Variants in ADAMTS3 observed in about 807,000 individuals in gnomAD.
ADAMTS3 encodes the protein A disintegrin and metalloproteinase with thrombospondin motifs 3.
In ADAMTS3, 73 loss-of-function variants were observed where a neutral mutation model predicts 129.0. The ratio of observed to expected loss-of-function variants is 0.57; its 90% CI spans 0.47 to 0.69. The LOEUF is 0.69. ADAMTS3 is among the 30% of genes least tolerant of loss of function. The pLI, the probability that ADAMTS3 is intolerant of heterozygous loss-of-function variation, is 0.00. For missense variants in ADAMTS3, 1,457 were observed against 1,514.5 expected (o/e 0.96, Z 0.63); for synonymous variants, 477 against 510.8 (o/e 0.93, Z 0.89).
chr4:72,546,036 A>T (rs1179723428), intron 3 of ADAMTS3, among the ~76,000 whole-genome samples: 1 of 152,194 alleles, frequency 6.6e-6, no homozygotes, highest in Middle Eastern at 3.2e-3. Context: ...TAAAATAGGC[A>T]TGGCAAGAAT....
intron 3 of ADAMTS3, among the ~76,000 whole-genome samples, chr4:72,516,715 A>T (rs1720493635): frequency 6.6e-6 from 1 of 152,114 alleles, no homozygotes; most frequent in Admixed American, 6.5e-5. Context: ...GAAGTTGCTT[A>T]TCAGCTTAAG....
chr4:72,417,392 C>A (rs1290138238), intron 3 of ADAMTS3, among the ~76,000 whole-genome samples: 3 of 152,172 alleles, frequency 2.0e-5, no homozygotes, highest in Admixed American at 6.5e-5. Flanking sequence ...CTTCTCCATA[C>A]CTGCTATGGC....
intron 4 of ADAMTS3, among the ~76,000 whole-genome samples, chr4:72,353,603 C>G (rs1465623440): frequency 6.6e-6 from 1 of 151,914 alleles, no homozygotes; most frequent in East Asian, 1.9e-4. Context: ...ATAGCAGCTA[C>G]CAGGGTGGGC....
intron 2 of ADAMTS3, among the ~76,000 whole-genome samples, chr4:72,556,970 T>C (rs1442738340): frequency 6.6e-6 from 1 of 151,600 alleles, no homozygotes; most frequent in African/African-American, 2.4e-5. Flanking sequence ...AAATTCCACA[T>C]CAACAGAGGG....
At chr4:72,310,234 T>A (rs554488111) in intron 14 of ADAMTS3, among the ~76,000 whole-genome samples, 48 of 152,212 alleles carry the variant, frequency 3.2e-4, no homozygotes, top group Non-Finnish European at 4.7e-4. Flanking sequence ...AACCAAGGCA[T>A]GTTCTTAATG....
intron 5 of ADAMTS3, among the ~76,000 whole-genome samples, chr4:72,336,468 G>A (rs375019156): frequency 2.0e-5 from 3 of 152,092 alleles, no homozygotes; most frequent in African/African-American, 7.2e-5. Flanking sequence ...TTACAGTATC[G>A]TTGGTTTCTC....
At chr4:72,331,271 A>C (rs75445850) in intron 5 of ADAMTS3, among the ~76,000 whole-genome samples, 5,629 of 152,146 alleles carry the variant, frequency 0.037, 346 homozygotes, top group African/African-American at 0.13. Context: ...CTTGTGCTTG[A>C]TGCAATCTGT....
At chr4:72,346,036 T>A (rs1720272890) in intron 4 of ADAMTS3, among the ~76,000 whole-genome samples, 1 of 152,120 alleles carries the variant, frequency 6.6e-6, no homozygotes, top group South Asian at 2.1e-4. Flanking sequence ...CATCAAGGAT[T>A]CAGTTCTTTT....
intron 4 of ADAMTS3, among the ~76,000 whole-genome samples, chr4:72,399,749 G>A (rs1393957017): frequency 4.2e-5 from 6 of 143,842 alleles, no homozygotes; most frequent in South Asian, 2.2e-4. Context: ...CGGTGTGTAC[G>A]CATATGTGTG....
intron 4 of ADAMTS3, among the ~76,000 whole-genome samples, chr4:72,365,447 T>C (rs1407389420): frequency 6.6e-6 from 1 of 152,064 alleles, no homozygotes; most frequent in African/African-American, 2.4e-5. Flanking sequence ...TGCAGTAGAG[T>C]ATTATTTGTG....
intron 3 of ADAMTS3, among the ~76,000 whole-genome samples, chr4:72,483,748 G>T (rs369846895): frequency 4.6e-5 from 7 of 152,146 alleles, no homozygotes; most frequent in African/African-American, 2.4e-5. Flanking sequence ...TGCCAGGCAC[G>T]GTGGCTCACG....
At chr4:72,457,380 C>T (rs890542054) in intron 3 of ADAMTS3, among the ~76,000 whole-genome samples, 1 of 151,624 alleles carries the variant, frequency 6.6e-6, no homozygotes, top group Non-Finnish European at 1.5e-5. Flanking sequence ...TTGGAATATT[C>T]AGTGGTCTAG....
chr4:72,351,956 T>G (rs13122567), intron 4 of ADAMTS3, among the ~76,000 whole-genome samples: 27,425 of 151,774 alleles, frequency 0.18, 3,183 homozygotes, highest in East Asian at 0.41. Context: ...GTTGGCAATT[T>G]CTCAAAATCA....
rs564711161 is a variant in ADAMTS3 at position 72,462,839 on chromosome 4, A to C, written c.505-47868T>G. ...AAAAAAAAAATCGTAAACATTTATA[A>C]AGTAAAAAAGTGACAGTAAGCTCAA... is the stretch of plus-strand genomic sequence containing the variant. On this transcript the variant is annotated intron_variant, in intron 3 of 21. Transcript: ENST00000286657. Among the ~76,000 whole-genome samples the C allele has an allele frequency of 1.6e-3, 243 of 152,110 alleles. 1 individual carries two copies. The highest frequency in any genetic ancestry group is 5.5e-3 in the African/African-American group (230 of 41,544).
chr4:72,325,173 A>G (rs1719668520), intron 5 of ADAMTS3, among the ~76,000 whole-genome samples: 1 of 152,176 alleles, frequency 6.6e-6, no homozygotes, highest in Non-Finnish European at 1.5e-5. Flanking sequence ...TTCATTGTAT[A>G]TATCTATAGA....
chr4:72,555,391 A>T (rs1351834267), intron 2 of ADAMTS3, among the ~76,000 whole-genome samples: 1 of 151,744 alleles, frequency 6.6e-6, no homozygotes, highest in Non-Finnish European at 1.5e-5. Flanking sequence ...ACAGTAGAGG[A>T]TCACTGTTTT....
intron 3 of ADAMTS3, among the ~76,000 whole-genome samples, chr4:72,501,453 T>G (rs936933015): frequency 1.6e-4 from 25 of 152,190 alleles, no homozygotes; most frequent in African/African-American, 5.8e-4. Context: ...CTACTAATTT[T>G]TATACATTGA....
chr4:72,467,124 T>C (rs1157190834), intron 3 of ADAMTS3, among the ~76,000 whole-genome samples: 2 of 152,112 alleles, frequency 1.3e-5, no homozygotes, highest in Admixed American at 6.6e-5. Context: ...CCATTTTCCA[T>C]AGTCAGCCAA....
At chr4:72,555,310 T>C (rs559134910) in intron 2 of ADAMTS3, among the ~76,000 whole-genome samples, 2 of 151,794 alleles carry the variant, frequency 1.3e-5, no homozygotes, top group Admixed American at 6.6e-5. Context: ...TACTGAAATA[T>C]TCTGTCTAAT....
Sources: allele counts gnomAD v4.1 joint callset (sites outside exome capture counted in the v4.1 genomes callset), GRCh38; gene constraint gnomAD v4.1.1; transcripts MANE v1.5; gene names NCBI Gene and HGNC (gene_info 2026-07-23, HGNC 2026-07-21).